The following CUL1 variants were observed in gnomAD, a reference collection of about 807,000 sequenced individuals.
CUL1 encodes the protein cullin-1.
CUL1 carries 24 observed loss-of-function variants against 118.0 expected under a neutral mutation model. That is an observed-to-expected ratio of 0.20 (90% CI 0.15 to 0.29). The LOEUF is 0.29. Among genes scored for constraint, CUL1 ranks in the 10% least tolerant of loss-of-function variants. The pLI, the probability that CUL1 is intolerant of heterozygous loss-of-function variation, is 1.00. For synonymous variants in CUL1, 332 were observed against 340.4 expected (o/e 0.98, Z 0.27); for missense variants, 361 against 933.8 (o/e 0.39, Z 7.99).
At chr7:148,710,783 C>T (rs1044414982) in intron 1 of CUL1, among the ~76,000 whole-genome samples, 3 of 151,942 alleles carry the variant, frequency 2.0e-5, no homozygotes, top group African/African-American at 7.3e-5. Context: ...CCTGCGTCAG[C>T]CTCCCAAGTA....
intron 6 of CUL1, among the ~76,000 whole-genome samples, chr7:148,759,987 A>G (rs1400742221): frequency 6.6e-6 from 1 of 152,198 alleles, no homozygotes; most frequent in Non-Finnish European, 1.5e-5. Context: ...ATAAAGTAAT[A>G]CAATGTCTTA....
chr7:148,712,301 G>A (rs530946018), intron 1 of CUL1, among the ~76,000 whole-genome samples: 15 of 152,272 alleles, frequency 9.9e-5, no homozygotes, highest in African/African-American at 3.6e-4. Context: ...TGTATTTCAT[G>A]GTAGAATGAA....
In CUL1 at chr7:148,748,183, G is replaced by C. The variant is rs576339956; in HGVS notation, c.141-5793G>C. On this transcript the variant is annotated intron_variant, in intron 2 of 21. Transcript: ENST00000325222. Reference sequence around the variant, plus strand: ...AGTTAAAATAGAAAATACAAAACAGGATCGTAGAAATTAATCCAAATAACA... The same window carrying C: ...AGTTAAAATAGAAAATACAAAACAGCATCGTAGAAATTAATCCAAATAACA... 1.1e-4 allele frequency among the ~76,000 whole-genome samples: 17 copies of C among 152,214 alleles called. No individual in the cohort carries two copies. The East Asian group carries it at 3.3e-3, about 29-fold the overall frequency.
intron 4 of CUL1, 147 bp downstream of exon 4, chr7:148,757,297 CACTT>C: frequency 2.2e-6 from 1 of 452,890 alleles, no homozygotes; most frequent in African/African-American, 2.0e-5. Flanking sequence ...CAATAAATGT[CACTT>C]AAATATTTTT....
At chr7:148,724,043 G>A (rs1005778428) in intron 1 of CUL1, among the ~76,000 whole-genome samples, 7 of 152,324 alleles carry the variant, frequency 4.6e-5, no homozygotes, top group South Asian at 2.1e-4. Flanking sequence ...TTCAGTTGAT[G>A]TTGCAATTAG....
intron 9 of CUL1, among the ~76,000 whole-genome samples, chr7:148,782,987 A>G (rs1310747913): frequency 6.6e-6 from 1 of 152,178 alleles, no homozygotes; most frequent in African/African-American, 2.4e-5. Flanking sequence ...GACAGTTTCT[A>G]CGTCTGTAGA....
intron 2 of CUL1, among the ~76,000 whole-genome samples, chr7:148,737,530 A>G (rs1798990425): frequency 6.6e-6 from 1 of 150,556 alleles, no homozygotes; most frequent in South Asian, 2.1e-4. Flanking sequence ...ATGTTTGAAG[A>G]TAGGAAGTAC....
intron 1 of CUL1, among the ~76,000 whole-genome samples, chr7:148,721,739 A>G (rs73467407): frequency 0.012 from 1,874 of 151,890 alleles, 39 homozygotes; most frequent in African/African-American, 0.043. Flanking sequence ...TTTTTCACTC[A>G]AGACTCCAGG....
intron 4 of CUL1, among the ~76,000 whole-genome samples, chr7:148,757,548 A>G (rs1799695140): frequency 1.3e-5 from 2 of 152,194 alleles, no homozygotes; most frequent in African/African-American, 2.4e-5. Flanking sequence ...AGTCTGGGAA[A>G]CGCTGCTTCA....
chr7:148,698,149 A>C (rs1422067258), upstream of CUL1: 1 of 152,244 alleles, frequency 6.6e-6, no homozygotes, highest in African/African-American at 2.4e-5. Context: ...GCAGGTGGTA[A>C]GGGGGTCGAG....
At chr7:148,749,366 A>G (rs1372655515) in intron 2 of CUL1, among the ~76,000 whole-genome samples, 2 of 133,176 alleles carry the variant, frequency 1.5e-5, no homozygotes, top group Admixed American at 8.9e-5. Flanking sequence ...CAGTGAGCCA[A>G]GATTGTGCCA....
At chr7:148,743,946 T>A (rs928516677) in intron 2 of CUL1, among the ~76,000 whole-genome samples, 1 of 152,156 alleles carries the variant, frequency 6.6e-6, no homozygotes, top group Non-Finnish European at 1.5e-5. Context: ...TTTTCATATA[T>A]TTTGAAACTC....
chr7:148,793,828 T>C (rs1189550603), intron 17 of CUL1, among the ~76,000 whole-genome samples: 1 of 152,220 alleles, frequency 6.6e-6, no homozygotes, highest in Non-Finnish European at 1.5e-5. Context: ...TGCCAGACTG[T>C]TCCATAGTGG....
chr7:148,757,183 G>GT (rs1212767382), intron 4 of CUL1, 33 bp downstream of exon 4: 1 of 1,349,068 alleles, frequency 7.4e-7, no homozygotes, highest in Non-Finnish European at 9.7e-7. Context: ...TTTTAAATTT[G>GT]TTTTTGTTTT....
chr7:148,739,360 C>A (rs1030930145), intron 2 of CUL1, among the ~76,000 whole-genome samples: 28 of 152,164 alleles, frequency 1.8e-4, no homozygotes, highest in African/African-American at 6.5e-4. Context: ...GTCATCAGAG[C>A]TATATAAGAT....
chr7:148,717,760 G>T (rs976913186), intron 1 of CUL1, among the ~76,000 whole-genome samples: 1 of 152,008 alleles, frequency 6.6e-6, no homozygotes, highest in East Asian at 1.9e-4. Context: ...TACCTCTACT[G>T]CTGTTCAAAT....
intron 11 of CUL1, among the ~76,000 whole-genome samples, chr7:148,785,031 G>A (rs1307226880): frequency 2.0e-5 from 3 of 152,216 alleles, no homozygotes; most frequent in Non-Finnish European, 4.4e-5. Flanking sequence ...TACATTAACA[G>A]AGAACCATGT....
Position 148,798,558 on chromosome 7 carries a change from AT to A in CUL1, c.2031-9del. The A allele has an allele frequency of 6.3e-7, 1 of 1,595,104 alleles. No homozygotes were observed. The highest frequency in any genetic ancestry group is 8.6e-7 in the Non-Finnish European group (1 of 1,162,756). On this transcript the variant is annotated splice_polypyrimidine_tract_variant and intron_variant, in intron 19 of 21. Coordinates refer to ENST00000325222, the MANE Select transcript of CUL1 (RefSeq NM_003592.3). ...TAATATAATAGTGATCGGTTTCCTC[AT>A]TTTTCTTGATAGTAAGAAATTAAGG...
intron 7 of CUL1, among the ~76,000 whole-genome samples, chr7:148,764,771 C>T: frequency 6.6e-6 from 1 of 152,058 alleles, no homozygotes; most frequent in Non-Finnish European, 1.5e-5. Flanking sequence ...ATCAGAAAAA[C>T]AAAATTACAC....
Sources: allele counts gnomAD v4.1 joint callset (sites outside exome capture counted in the v4.1 genomes callset), GRCh38; gene constraint gnomAD v4.1.1; transcripts MANE v1.5; gene names NCBI Gene and HGNC (gene_info 2026-07-23, HGNC 2026-07-21).